The following SCFD1 variants were observed in gnomAD, a reference collection of about 807,000 sequenced individuals.
SCFD1 encodes the protein sec1 family domain containing 1.
Under a neutral mutation model 103.2 loss-of-function variants are expected in SCFD1, and 37 were observed. The ratio of observed to expected loss-of-function variants is 0.36; its 90% CI spans 0.28 to 0.47. The LOEUF is 0.47. SCFD1 is among the 20% of genes least tolerant of loss of function. The pLI is 1.00. For missense variants in SCFD1, 639 were observed against 761.2 expected, an observed-to-expected ratio of 0.84 and a Z score of 1.89; for synonymous variants, 264 against 245.0, an observed-to-expected ratio of 1.08 and a Z score of -0.73.
chr14:30,635,448 G>A (rs538012343), intron 4 of SCFD1, among the ~76,000 whole-genome samples: 2 of 151,976 alleles, frequency 1.3e-5, no homozygotes, highest in Non-Finnish European at 2.9e-5. Context: ...CCATCCCTAA[G>A]CTACCTTCTG....
Position 30,700,232 on chromosome 14 carries a change from A to G in SCFD1, c.1384A>G (p.Ile462Val), listed in dbSNP as rs1890987174. ...DKMRLFLIYY[I>V]STQQAPSEAD... ...AATGAGGTTGTTTCTTATCTATTAT[A>G]TAAGCACACAGCAAGCACCTTCTGA... is the stretch of plus-strand genomic sequence containing the variant. Residue 462 changes from isoleucine to valine, a missense_variant, in exon 16 of 25, where the codon ATA becomes GTA. Coordinates refer to ENST00000458591, the MANE Select transcript of SCFD1 (RefSeq NM_016106.4). The G allele has an allele frequency of 3.7e-6, 6 of 1,611,282 alleles. No homozygotes were observed. Among genetic ancestry groups the G allele is most frequent in the South Asian group, 1.1e-5 (1 of 91,004 alleles).
chr14:30,727,488 T>C (rs958290380), intron 23 of SCFD1, among the ~76,000 whole-genome samples: 3 of 152,218 alleles, frequency 2.0e-5, no homozygotes, highest in African/African-American at 7.2e-5. Flanking sequence ...GACAAAATTC[T>C]ACAGATTAAA....
chr14:30,719,849 A>G (rs1892533613), intron 21 of SCFD1, among the ~76,000 whole-genome samples: 1 of 151,958 alleles, frequency 6.6e-6, no homozygotes, highest in Non-Finnish European at 1.5e-5. Flanking sequence ...GCATTTTATC[A>G]CAGACATTGG....
chr14:30,708,524 CT>C (rs574596635), intron 19 of SCFD1, among the ~76,000 whole-genome samples: 63 of 108,610 alleles, frequency 5.8e-4, no homozygotes, highest in African/African-American at 3.1e-3. Flanking sequence ...TAATTTTATA[CT>C]TTTTTAAAAA....
At chr14:30,651,739 G>A (rs1003848264) in intron 9 of SCFD1, among the ~76,000 whole-genome samples, 3 of 151,998 alleles carry the variant, frequency 2.0e-5, no homozygotes, top group Non-Finnish European at 2.9e-5. Flanking sequence ...TTCTCAACTT[G>A]TTGGATCTAT....
chr14:30,678,956 C>T (rs1161712576), intron 14 of SCFD1, among the ~76,000 whole-genome samples: 2 of 152,218 alleles, frequency 1.3e-5, no homozygotes, highest in African/African-American at 4.8e-5. Flanking sequence ...CTAAAGAAGG[C>T]TTAACCCTTG....
chr14:30,649,770 G>A lies in SCFD1; in HGVS notation c.669+187G>A, dbSNP rs745806728. Among the ~76,000 whole-genome samples, 9 of 151,904 alleles carry A rather than the reference G, an allele frequency of 5.9e-5. 1 individual carries two copies. In the South Asian group the frequency reaches 6.2e-4, roughly 11 times the overall value. ...AAAAAGTAATCATTTATTTCCACAC[G>A]AGAAAGTAAAATTATTTACTCCGGT... On this transcript the variant is annotated intron_variant, in intron 8 of 24. Transcript: ENST00000458591.
intron 14 of SCFD1, among the ~76,000 whole-genome samples, chr14:30,689,773 C>G (rs1230769965): frequency 1.5e-5 from 2 of 132,366 alleles, no homozygotes; most frequent in Middle Eastern, 3.9e-3. Context: ...CCTCCCGTAG[C>G]TCAGAGTAAT....
chr14:30,650,896 T>G (rs1177535354), intron 9 of SCFD1, among the ~76,000 whole-genome samples: 1 of 152,138 alleles, frequency 6.6e-6, no homozygotes, highest in Non-Finnish European at 1.5e-5. Flanking sequence ...TGTATAAGGC[T>G]TTGAAGGTCA....
At position 30,733,960 on chromosome 14, in the gene SCFD1, C is replaced by G. The variant is rs548515476; in HGVS notation, c.1837-830C>G. Among the ~76,000 whole-genome samples, 15 of 152,234 alleles carry G rather than the reference C, an allele frequency of 9.9e-5. No homozygotes were observed. The East Asian group carries it at 2.5e-3, about 25-fold the overall frequency. ...TCTACCTTTAATTAATGCCTGTTAGCCACAAGAATCCCAATTATATGACCC... is the reference window on the plus strand; with the variant it reads ...TCTACCTTTAATTAATGCCTGTTAGGCACAAGAATCCCAATTATATGACCC... On this transcript the variant is annotated intron_variant, in intron 23 of 24. Coordinates refer to ENST00000458591, the MANE Select transcript of SCFD1 (RefSeq NM_016106.4).
chr14:30,644,181 T>C (rs1172565901), intron 7 of SCFD1, among the ~76,000 whole-genome samples: 1 of 152,244 alleles, frequency 6.6e-6, no homozygotes, highest in African/African-American at 2.4e-5. Flanking sequence ...ATGATTTCAC[T>C]CTTTTTTTAT....
intron 14 of SCFD1, among the ~76,000 whole-genome samples, chr14:30,675,737 GATGC>G (rs1888980198): frequency 6.6e-6 from 1 of 152,078 alleles, no homozygotes; most frequent in Admixed American, 6.5e-5. Context: ...CATTTTATAT[GATGC>G]ATTTGAAACT....
chr14:30,719,178 C>A (rs1437944851), intron 20 of SCFD1, 147 bp from the exon 21 acceptor site: 7 of 632,436 alleles, frequency 1.1e-5, no homozygotes, highest in African/African-American at 1.9e-5. Flanking sequence ...TAAAGGTTAG[C>A]ACATAGTAAG....
chr14:30,652,644 T>TC (rs1190043621), intron 9 of SCFD1, among the ~76,000 whole-genome samples: 11 of 152,166 alleles, frequency 7.2e-5, no homozygotes, highest in Admixed American at 7.2e-4. Flanking sequence ...AACTTCTGAG[T>TC]AGAAGCAGCT....
chr14:30,641,863 G>T (rs577876940), intron 6 of SCFD1, among the ~76,000 whole-genome samples: 1 of 152,020 alleles, frequency 6.6e-6, no homozygotes, highest in Non-Finnish European at 1.5e-5. Flanking sequence ...TCACTTTCAG[G>T]ATATTGGGAC....
At chr14:30,666,744 C>G (rs1048171212) in intron 10 of SCFD1, among the ~76,000 whole-genome samples, 4 of 152,134 alleles carry the variant, frequency 2.6e-5, no homozygotes, top group Non-Finnish European at 5.9e-5. Flanking sequence ...CACAGAAATA[C>G]AAACTACCAT....
At chr14:30,730,362 G>C (rs1188643148) in intron 23 of SCFD1, among the ~76,000 whole-genome samples, 2 of 152,146 alleles carry the variant, frequency 1.3e-5, no homozygotes, top group Non-Finnish European at 2.9e-5. Context: ...ATAATCCTTT[G>C]GGTATATACC....
intron 10 of SCFD1, chr14:30,658,368 G>T (rs990978809): frequency 6.5e-6 from 1 of 153,090 alleles, no homozygotes; most frequent in Non-Finnish European, 1.4e-5. Context: ...TGTAAGAGAA[G>T]CATTTTTTTT....
intron 21 of SCFD1, among the ~76,000 whole-genome samples, chr14:30,721,332 A>G (rs911434284): frequency 6.6e-6 from 1 of 150,504 alleles, no homozygotes; most frequent in Non-Finnish European, 1.5e-5. Context: ...ATGTAAGTCT[A>G]GACTCGCAAA....
Sources: gnomAD v4.1 joint callset for allele counts (sites outside exome capture counted in the v4.1 genomes callset) on GRCh38, gnomAD v4.1.1 for gene constraint, MANE v1.5 for transcripts, NCBI Gene and HGNC (gene_info 2026-07-23, HGNC 2026-07-21) for gene names.